MARCHF1: variants seen among roughly 807,000 people sequenced by gnomAD.
MARCHF1 encodes the protein membrane associated ring-CH-type finger 1.
Under a neutral mutation model 54.2 loss-of-function variants are expected in MARCHF1, and 40 were observed. The observed-to-expected ratio is 0.74, with a 90% CI of 0.57 to 0.96. The LOEUF is 0.96. Among genes scored for constraint, MARCHF1 ranks in the 40% least tolerant of loss-of-function variants. The probability of loss-of-function intolerance (pLI) is 0.00; values close to 1 mark genes in which losing one functional copy is unlikely to be tolerated. For missense variants in MARCHF1, 586 were observed against 656.5 expected (o/e 0.89, Z 1.17); for synonymous variants, 236 against 236.3 (o/e 1.00, Z 0.01).
intron 5 of MARCHF1, among the ~76,000 whole-genome samples, chr4:163,648,241 T>C (rs1028972997): frequency 6.6e-6 from 1 of 151,950 alleles, no homozygotes; most frequent in African/African-American, 2.4e-5. Flanking sequence ...GAAAAATTAT[T>C]TTTCTTCTTA....
chr4:163,967,621 T>A (rs1196673830), intron 3 of MARCHF1, among the ~76,000 whole-genome samples: 1 of 152,162 alleles, frequency 6.6e-6, no homozygotes, highest in Non-Finnish European at 1.5e-5. Context: ...ATGGCTGTCT[T>A]AGTCAGGGCT....
intron 5 of MARCHF1, among the ~76,000 whole-genome samples, chr4:163,689,300 T>C (rs1039460365): frequency 3.3e-5 from 5 of 152,174 alleles, no homozygotes; most frequent in African/African-American, 1.2e-4. Flanking sequence ...TCACATATTG[T>C]CCAGATTTGG....
intron 3 of MARCHF1, among the ~76,000 whole-genome samples, chr4:163,889,819 C>A (rs1420495775): frequency 6.6e-6 from 1 of 150,992 alleles, no homozygotes; most frequent in African/African-American, 2.4e-5. Flanking sequence ...AGCAAATGTT[C>A]CCAAGTGATT....
chr4:163,587,860 T>G (rs1740460677), intron 7 of MARCHF1, among the ~76,000 whole-genome samples: 3 of 151,996 alleles, frequency 2.0e-5, no homozygotes, highest in African/African-American at 7.3e-5. Flanking sequence ...TGAGTCACAA[T>G]GGCAGGCTGG....
intron 4 of MARCHF1, among the ~76,000 whole-genome samples, chr4:163,827,140 T>C (rs944808596): frequency 6.6e-6 from 1 of 151,942 alleles, no homozygotes; most frequent in Non-Finnish European, 1.5e-5. Context: ...CAGGTAGCAA[T>C]GTCTCCTTTT....
chr4:163,842,995 T>C (rs1263102210), intron 4 of MARCHF1, among the ~76,000 whole-genome samples: 1 of 152,132 alleles, frequency 6.6e-6, no homozygotes, highest in African/African-American at 2.4e-5. Context: ...TAGGTAGTTT[T>C]TCAACCTATG....
chr4:163,692,530 T>C (rs1197952868), intron 5 of MARCHF1, among the ~76,000 whole-genome samples: 1 of 152,082 alleles, frequency 6.6e-6, no homozygotes, highest in African/African-American at 2.4e-5. Flanking sequence ...ACATGAGTTA[T>C]TAAGAGGAAG....
rs34885496 is a variant in MARCHF1, at chr4:163,590,057, G to GGTGTGTGTGTGTGTGTGTGTGTGTGT, written c.1011-4129_1011-4128insACACACACACACACACACACACACAC. Among the ~76,000 whole-genome samples the GGTGTGTGTGTGTGTGTGTGTGTGTGT allele has an allele frequency of 2.7e-3, 400 of 146,230 alleles. 3 individuals carry two copies. Among genetic ancestry groups the GGTGTGTGTGTGTGTGTGTGTGTGTGT allele is most frequent in the African/African-American group, 8.6e-3 (341 of 39,770 alleles). The stretch of plus-strand genomic sequence containing the variant: ...TGCAGCAAATTAAATTTTAGATTTT[G>GGTGTGTGTGTGTGTGTGTGTGTGTGT]GTGTGTGTGTGTGTGTGTGTGTGTG... On this transcript the variant is annotated intron_variant, in intron 7 of 9. Transcript: ENST00000514618.
intron 3 of MARCHF1, among the ~76,000 whole-genome samples, chr4:163,867,399 C>T (rs9991063): frequency 0.79 from 119,659 of 151,792 alleles, 47,860 homozygotes; most frequent in East Asian, 0.97. Flanking sequence ...ACTAAATATA[C>T]GGAGGCCTAT....
intron 1 of MARCHF1, among the ~76,000 whole-genome samples, chr4:164,269,047 T>C (rs1234585793): frequency 1.3e-5 from 2 of 152,184 alleles, no homozygotes; most frequent in Non-Finnish European, 2.9e-5. Context: ...ATACCTTTAA[T>C]TTTCTTTCTT....
intron 5 of MARCHF1, among the ~76,000 whole-genome samples, chr4:163,632,102 T>G (rs1177025440): frequency 6.6e-6 from 1 of 152,190 alleles, no homozygotes; most frequent in Non-Finnish European, 1.5e-5. Context: ...TTGGTGAGGA[T>G]GTGGAGAAAT....
intron 4 of MARCHF1, among the ~76,000 whole-genome samples, chr4:163,732,909 T>C (rs766186406): frequency 6.6e-6 from 1 of 151,738 alleles, no homozygotes; most frequent in Non-Finnish European, 1.5e-5. Flanking sequence ...CCCAGCAATT[T>C]GGGATGCCGA....
At chr4:164,069,449 C>G (rs1275800939) in intron 2 of MARCHF1, among the ~76,000 whole-genome samples, 2 of 152,232 alleles carry the variant, frequency 1.3e-5, no homozygotes, top group Non-Finnish European at 2.9e-5. Context: ...AGATGTAACA[C>G]TCACCGCGAA....
chr4:164,176,980 C>CTATATATATATATATATATATA (rs71595261), intron 1 of MARCHF1, among the ~76,000 whole-genome samples: 1 of 58,910 alleles, frequency 1.7e-5, no homozygotes, highest in African/African-American at 7.2e-5. Flanking sequence ...CTCTCTCTCT[C>CTATATATATATATATATATATA]TATATATATA....
chr4:164,237,678 A>T (rs1732603526), intron 1 of MARCHF1, among the ~76,000 whole-genome samples: 1 of 152,016 alleles, frequency 6.6e-6, no homozygotes, highest in Non-Finnish European at 1.5e-5. Context: ...CATGCTGCTC[A>T]GAAAGTGCTT....
chr4:164,179,186 G>T (rs1730767695), intron 1 of MARCHF1, among the ~76,000 whole-genome samples: 1 of 152,162 alleles, frequency 6.6e-6, no homozygotes, highest in African/African-American at 2.4e-5. Context: ...CTGGTGATGA[G>T]ATAGAGGGAG....
At chr4:163,917,693 G>A (rs564839361) in intron 3 of MARCHF1, among the ~76,000 whole-genome samples, 1 of 152,076 alleles carries the variant, frequency 6.6e-6, no homozygotes, top group Admixed American at 6.6e-5. Context: ...TATGTGCCAT[G>A]GTGGTTTGCT....
chr4:164,346,862 C>T (rs1225595231), intron 1 of MARCHF1, among the ~76,000 whole-genome samples: 1 of 151,672 alleles, frequency 6.6e-6, no homozygotes, highest in Admixed American at 6.6e-5. Flanking sequence ...TTCATCATAC[C>T]TAAAAGAGTC....
intron 7 of MARCHF1, among the ~76,000 whole-genome samples, chr4:163,595,083 G>C (rs1305493044): frequency 6.7e-6 from 1 of 148,286 alleles, no homozygotes; most frequent in Non-Finnish European, 1.5e-5. Flanking sequence ...AAGAAAATAT[G>C]GTATAAGCCA....
Sources: allele counts gnomAD v4.1 joint callset (sites outside exome capture counted in the v4.1 genomes callset), GRCh38; gene constraint gnomAD v4.1.1; transcripts MANE v1.5; gene names NCBI Gene and HGNC (gene_info 2026-07-23, HGNC 2026-07-21).